The following ETV6 variants were observed in gnomAD, a reference collection of about 807,000 sequenced individuals.
ETV6 encodes the protein transcription factor ETV6.
Under a neutral mutation model 51.1 loss-of-function variants are expected in ETV6, and 16 were observed. The ratio of observed to expected loss-of-function variants is 0.31; its 90% CI spans 0.21 to 0.48. ETV6 has a LOEUF of 0.48. Among genes scored for constraint, ETV6 ranks in the 20% least tolerant of loss-of-function variants. The pLI is 0.99. For synonymous variants in ETV6, 240 were observed against 224.1 expected (o/e 1.07, Z -0.64); for missense variants, 458 against 594.8 (o/e 0.77, Z 2.39).
At chr12:11,807,992 A>G (rs1041930261) in intron 2 of ETV6, among the ~76,000 whole-genome samples, 2 of 152,212 alleles carry the variant, frequency 1.3e-5, no homozygotes, top group African/African-American at 4.8e-5. Context: ...CCCTTCCCCA[A>G]TGATCATCAG....
intron 7 of ETV6, among the ~76,000 whole-genome samples, chr12:11,888,263 C>T (rs1947228890): frequency 6.6e-6 from 1 of 152,298 alleles, no homozygotes; most frequent in Admixed American, 6.5e-5. Context: ...CCTCAAGGCT[C>T]AACCTCAAGT....
chr12:11,669,300 A>G (rs1041232479), intron 1 of ETV6, among the ~76,000 whole-genome samples: 1 of 151,084 alleles, frequency 6.6e-6, no homozygotes, highest in Admixed American at 6.6e-5. Context: ...GGGGGAAGGA[A>G]CATGGATGGA....
At chr12:11,663,802 T>G (rs772642223) in intron 1 of ETV6, among the ~76,000 whole-genome samples, 4 of 152,092 alleles carry the variant, frequency 2.6e-5, no homozygotes, top group Non-Finnish European at 5.9e-5. Context: ...TTGTCTGTCT[T>G]CAGTGGTGAA....
At chr12:11,702,274 G>A (rs1306961922) in intron 1 of ETV6, among the ~76,000 whole-genome samples, 1 of 152,166 alleles carries the variant, frequency 6.6e-6, no homozygotes, top group African/African-American at 2.4e-5. Flanking sequence ...TTGTTGGACT[G>A]CTCCCACCTA....
chr12:11,655,809 C>T (rs74062342), intron 1 of ETV6, among the ~76,000 whole-genome samples: 2,342 of 152,282 alleles, frequency 0.015, 61 homozygotes, highest in African/African-American at 0.053. Flanking sequence ...GGTATTGCCC[C>T]GTGTTAAGTG....
intron 5 of ETV6, among the ~76,000 whole-genome samples, chr12:11,870,972 G>C (rs1946872475): frequency 2.0e-5 from 3 of 152,310 alleles, no homozygotes; most frequent in South Asian, 2.1e-4. Flanking sequence ...AGGCTTTGCA[G>C]GGGAGAGAGC....
intron 1 of ETV6, among the ~76,000 whole-genome samples, chr12:11,746,880 G>A (rs1865919727): frequency 7.2e-6 from 1 of 139,590 alleles, no homozygotes; most frequent in South Asian, 2.4e-4. Context: ...TGACTTAATT[G>A]TATCTGCTTG....
At chr12:11,729,834 G>C (rs944629015) in intron 1 of ETV6, among the ~76,000 whole-genome samples, 4 of 152,104 alleles carry the variant, frequency 2.6e-5, no homozygotes, top group Non-Finnish European at 4.4e-5. Context: ...CTTTTGTAGT[G>C]AAAAAATAAC....
chr12:11,836,145 G>A (rs955467475), intron 2 of ETV6, among the ~76,000 whole-genome samples: 1 of 152,194 alleles, frequency 6.6e-6, no homozygotes, highest in African/African-American at 2.4e-5. Flanking sequence ...AACACACAAG[G>A]TCTTAAGGGC....
chr12:11,711,230 T>G (rs566230320), intron 1 of ETV6, among the ~76,000 whole-genome samples: 20 of 152,334 alleles, frequency 1.3e-4, no homozygotes, highest in Non-Finnish European at 2.8e-4. Context: ...CCAGCCATAT[T>G]TCTCCAGGTT....
chr12:11,722,750 C>A (rs1865413017), intron 1 of ETV6, among the ~76,000 whole-genome samples: 1 of 152,174 alleles, frequency 6.6e-6, no homozygotes, highest in Non-Finnish European at 1.5e-5. Flanking sequence ...TTGCCCATTG[C>A]CAGGTGAGGC....
chr12:11,707,123 C>T (rs920596178), intron 1 of ETV6, among the ~76,000 whole-genome samples: 9 of 152,150 alleles, frequency 5.9e-5, no homozygotes, highest in South Asian at 4.1e-4. Context: ...CCTCAGGGAA[C>T]TCAGAAGAAA....
intron 1 of ETV6, among the ~76,000 whole-genome samples, chr12:11,734,716 C>G (rs770558524): frequency 1.1e-4 from 17 of 151,984 alleles, no homozygotes; most frequent in Non-Finnish European, 2.2e-4. Context: ...GCAGTAGGGC[C>G]GGTGTTGCTA....
chr12:11,783,471 C>G (rs956708342), intron 2 of ETV6, among the ~76,000 whole-genome samples: 6 of 152,064 alleles, frequency 3.9e-5, no homozygotes, highest in South Asian at 2.1e-4. Context: ...ATAGATGACT[C>G]TCTTACTGGA....
chr12:11,744,134 A>T (rs1360483386), intron 1 of ETV6, among the ~76,000 whole-genome samples: 2 of 152,176 alleles, frequency 1.3e-5, no homozygotes, highest in African/African-American at 4.8e-5. Context: ...GCAATAGTAC[A>T]TGCCTGGAAG....
chr12:11,792,377 G>A (rs1945612086), intron 2 of ETV6, among the ~76,000 whole-genome samples: 1 of 152,150 alleles, frequency 6.6e-6, no homozygotes, highest in Non-Finnish European at 1.5e-5. Flanking sequence ...ACACAACTCT[G>A]AGACGGATTA....
intron 2 of ETV6, among the ~76,000 whole-genome samples, chr12:11,833,847 A>G (rs554808482): frequency 2.0e-5 from 3 of 152,166 alleles, no homozygotes; most frequent in Non-Finnish European, 4.4e-5. Context: ...GAGCTAGACC[A>G]CCTGGATCTC....
chr12:11,737,592 G>A (rs1009776870), intron 1 of ETV6, among the ~76,000 whole-genome samples: 3 of 152,170 alleles, frequency 2.0e-5, no homozygotes, highest in African/African-American at 2.4e-5. Context: ...ATCTCCTGGT[G>A]CTCTAATATA....
chr12:11,854,626 C>G (rs1226825775), intron 4 of ETV6, among the ~76,000 whole-genome samples: 3 of 152,298 alleles, frequency 2.0e-5, no homozygotes, highest in South Asian at 2.1e-4. Context: ...ATCACCCTTG[C>G]CTTCACAATG....
Sources: allele counts gnomAD v4.1 joint callset (sites outside exome capture counted in the v4.1 genomes callset), GRCh38; gene constraint gnomAD v4.1.1; transcripts MANE v1.5; gene names NCBI Gene and HGNC (gene_info 2026-07-23, HGNC 2026-07-21).